Variants in AEBP1 observed in about 807,000 individuals in gnomAD.
The protein encoded by AEBP1 is adipocyte enhancer-binding protein 1.
AEBP1 carries 69 observed loss-of-function variants against 116.5 expected under a neutral mutation model. That is an observed-to-expected ratio of 0.59 (90% CI 0.49 to 0.72). The LOEUF (loss-of-function observed/expected upper bound fraction) is 0.72, where lower values mean the gene tolerates loss of function less well. Among genes scored for constraint, AEBP1 ranks in the 30% least tolerant of loss-of-function variants. The pLI, the probability that AEBP1 is intolerant of heterozygous loss-of-function variation, is 0.00. For synonymous variants in AEBP1, 627 were observed against 627.3 expected (o/e 1.00, Z 0.01); for missense variants, 1,444 against 1,557.5 (o/e 0.93, Z 1.23).
At chr7:44,104,954 T>A (rs2096221487) in intron 1 of AEBP1, 36 bp downstream of exon 1, 12 of 1,462,572 alleles carry the variant, frequency 8.2e-6, no homozygotes, top group Non-Finnish European at 1.1e-5. Context: ...TGTGGGGGGC[T>A]GGCATCTCAG....
rs751767894 is a variant in AEBP1, at chr7:44,113,060, T to C, written c.2639T>C (p.Phe880Ser). ...ELSFYLGCDKFPHESELPREW... is the reference protein window; with the variant it reads ...ELSFYLGCDKSPHESELPREW... ...TCCTTCTACCTGGGCTGTGACAAGT[T>C]CCCTCATGAGAGTGAGCTGCCCCGC... is the stretch of plus-strand genomic sequence containing the variant. Residue 880 changes from phenylalanine (F) to serine (S), a missense_variant, in exon 19 of 21, where the codon TTC becomes TCC. Transcript: ENST00000223357. The surrounding 1 kb of genome is among the most constrained non-coding windows in gnomAD (Gnocchi z 5.3). The C allele has an allele frequency of 1.2e-6, 2 of 1,614,068 alleles. No individual in the cohort carries two copies. Among genetic ancestry groups the C allele is most frequent in the South Asian group, 2.2e-5 (2 of 91,084 alleles).
chr7:44,109,468 C>A (rs2096226563), intron 9 of AEBP1, 127 bp downstream of exon 9: 6 of 1,183,162 alleles, frequency 5.1e-6, no homozygotes, highest in Non-Finnish European at 6.9e-6. Context: ...ATTCTTGGGA[C>A]CCAGAAGGGA....
Position 44,112,704 on chromosome 7 carries a change from C to T in AEBP1, c.2364C>T (p.Ala788=), listed in dbSNP as rs1482014364. 1 of 1,613,178 alleles carries T rather than the reference C, an allele frequency of 6.2e-7. No homozygotes were observed. Among genetic ancestry groups the T allele is most frequent in the East Asian group, 2.2e-5 (1 of 44,898 alleles). ...CCCAGGAGCAGCTGCTGGCCGCAGC[C>T]ATGGCAGCAGCCCGGGGGGAGGATG... is the stretch of plus-strand genomic sequence containing the variant. The part of the protein sequence containing the change: ...TPTQEQLLAA[A]MAAARGEDED... The change falls in exon 18 of 21, where the codon GCC becomes GCT. Residue 788 remains alanine, a synonymous_variant. Coordinates refer to ENST00000223357, the MANE Select transcript of AEBP1 (RefSeq NM_001129.5). The surrounding 1 kb of genome is among the most constrained non-coding windows in gnomAD (Gnocchi z 6.6).
At position 44,107,682 on chromosome 7, in the gene AEBP1, A is replaced by G. The variant is rs746524312; in HGVS notation, c.721A>G (p.Arg241Gly). Residue 241 changes from arginine to glycine, a missense_variant, in exon 4 of 21, where the codon AGG becomes GGG. Arg to Gly is a moderately radical substitution (Grantham distance 125). Transcript: ENST00000223357. This position sits in a 1 kb window ranked among gnomAD's most constrained non-coding sequence, Gnocchi z 4.3. ...ACTGGACTACAATGACCAGATCGAG[A>G]GGGAGGACTATGAGGACTGTGAGTA... The part of the protein sequence containing the change: ...PTLDYNDQIE[R>G]EDYEDFEYIR... The G allele has an allele frequency of 1.9e-6, 3 of 1,613,640 alleles. No homozygotes were observed. Among genetic ancestry groups the G allele is most frequent in the South Asian group, 2.2e-5 (2 of 91,078 alleles).
Position 44,108,199 on chromosome 7 carries a change from G to A in AEBP1, c.940+115G>A, listed in dbSNP as rs1452236486. Reference sequence around the variant, plus strand: ...CCACCTTGCAACCCCACCTGTGCCCGTGGTTACCTCGCTGTCCCTGCTGTC... The same window carrying A: ...CCACCTTGCAACCCCACCTGTGCCCATGGTTACCTCGCTGTCCCTGCTGTC... On this transcript the variant is annotated intron_variant, in intron 6 of 20. Coordinates refer to ENST00000223357, the MANE Select transcript of AEBP1 (RefSeq NM_001129.5). The surrounding 1 kb of genome is among the most constrained non-coding windows in gnomAD (Gnocchi z 5.0). 1.1e-5 allele frequency: 11 copies of A among 1,036,284 alleles called. No individual in the cohort carries two copies. Among genetic ancestry groups the A allele is most frequent in the Admixed American group, 2.1e-5 (1 of 47,328 alleles). The allele number at this position is 1,036,284 out of a possible 1,614,324, so 64.2% of individuals were successfully genotyped here.
chr7:44,107,016 A>C lies in AEBP1; in HGVS notation c.595+129A>C. The C allele has an allele frequency of 9.7e-6, 7 of 718,690 alleles. No homozygotes were observed. Among genetic ancestry groups the C allele is most frequent in the African/African-American group, 1.8e-5 (1 of 56,068 alleles). 44.5% of individuals were successfully genotyped at this position (718,690 alleles called of 1,614,324 possible). A position where few individuals can be genotyped will look rare whatever the true frequency, so the allele number is the denominator to read the frequency against. On this transcript the variant is annotated intron_variant, in intron 2 of 20. Transcript: ENST00000223357. This position sits in a 1 kb window ranked among gnomAD's most constrained non-coding sequence, Gnocchi z 4.3. ...CAGCTCCCCACTGGATGGGAACCTC[A>C]CTTTTGCTATAAATTTCACAATTTG...
chr7:44,106,852 C>T lies in AEBP1; in HGVS notation c.560C>T (p.Pro187Leu), dbSNP rs200193837. ...ETLEWPLPPPPSPGPEELPQE... is the reference protein window; with the variant it reads ...ETLEWPLPPPLSPGPEELPQE... Reference sequence around the variant, plus strand: ...CTGGAGTGGCCACTGCCCCCACCCCCCAGCCCTGGCCCCGAGGAGCTACCC... The same window carrying T: ...CTGGAGTGGCCACTGCCCCCACCCCTCAGCCCTGGCCCCGAGGAGCTACCC... Residue 187 changes from proline to leucine, a missense_variant, in exon 2 of 21, where the codon CCC becomes CTC. Coordinates refer to ENST00000223357, the MANE Select transcript of AEBP1 (RefSeq NM_001129.5). 1.3e-6 allele frequency: 2 copies of T among 1,598,306 alleles called. No individual in the cohort carries two copies. The highest frequency in any genetic ancestry group is 2.7e-5 in the African/African-American group (2 of 74,162).
In AEBP1 at chr7:44,112,901, G is replaced by A. The variant is rs201478823; in HGVS notation, c.2561G>A (p.Arg854Gln). ...GTCAACGGGGCCAAGTGGAACCCCC[G>A]GACCGGGAGTGAGTCAGCCTGGGAG... ...GIVNGAKWNP[R>Q]TGTINDFSYL... The change falls in exon 18 of 21, where the codon CGG (arginine) becomes CAG (glutamine). Residue 854 changes from arginine (R) to glutamine (Q), a missense_variant. By Grantham distance (43) the Arg-to-Gln change is conservative. Coordinates refer to ENST00000223357, the MANE Select transcript of AEBP1 (RefSeq NM_001129.5). This position sits in a 1 kb window ranked among gnomAD's most constrained non-coding sequence, Gnocchi z 6.6. 1.2e-6 allele frequency: 2 copies of A among 1,611,054 alleles called. No individual in the cohort carries two copies. Among genetic ancestry groups the A allele is most frequent in the Admixed American group, 1.7e-5 (1 of 59,770 alleles).
rs2096231698 is a variant in AEBP1, at chr7:44,113,049, C to T, written c.2628C>T (p.Gly876=). The change falls in exon 19 of 21, where the codon GGC becomes GGT. Residue 876 remains glycine (G), a synonymous_variant. Transcript: ENST00000223357. This position sits in a 1 kb window ranked among gnomAD's most constrained non-coding sequence, Gnocchi z 5.3. ...TNCLELSFYL[G]CDKFPHESEL... ...GCCTGGAGCTCTCCTTCTACCTGGG[C>T]TGTGACAAGTTCCCTCATGAGAGTG... 1 of 1,614,146 alleles carries T rather than the reference C, an allele frequency of 6.2e-7. No individual in the cohort carries two copies. The highest frequency in any genetic ancestry group is 2.2e-5 in the East Asian group (1 of 44,864).
Position 44,112,253 on chromosome 7 carries a change from T to A in AEBP1, c.2149T>A (p.Trp717Arg). 2.5e-6 allele frequency: 4 copies of A among 1,604,798 alleles called. No individual in the cohort carries two copies. The highest frequency in any genetic ancestry group is 1.1e-5 in the South Asian group (1 of 90,694). ...SVLWGAEERKWVPYRVPNNNL... is the reference protein window; with the variant it reads ...SVLWGAEERKRVPYRVPNNNL... ...GCTCTGGGGAGCTGAGGAGAGGAAATGGGTCCCCTACCGGGTCCCCAACAA... is the reference window on the plus strand; with the variant it reads ...GCTCTGGGGAGCTGAGGAGAGGAAAAGGGTCCCCTACCGGGTCCCCAACAA... Residue 717 changes from tryptophan (W) to arginine (R), a missense_variant, in exon 17 of 21, where the codon TGG becomes AGG. Trp to Arg is a moderately radical substitution (Grantham distance 101). Transcript: ENST00000223357. The surrounding 1 kb of genome is among the most constrained non-coding windows in gnomAD (Gnocchi z 6.6).
In AEBP1 at chr7:44,108,065, G is replaced by A; in HGVS notation, c.921G>A (p.Val307=). The A allele has an allele frequency of 6.2e-7, 1 of 1,602,798 alleles. No individual in the cohort carries two copies. The highest frequency in any genetic ancestry group is 8.5e-7 in the Non-Finnish European group (1 of 1,175,826). Residue 307 remains valine (V), a synonymous_variant, in exon 6 of 21, where the codon GTG becomes GTA. Coordinates refer to ENST00000223357, the MANE Select transcript of AEBP1 (RefSeq NM_001129.5). The surrounding 1 kb of genome is among the most constrained non-coding windows in gnomAD (Gnocchi z 5.0). ...PLPPDYGDGY[V]IPNYDDMDYY... is the part of the protein sequence containing the mutation. ...CCCCTGACTATGGTGATGGTTACGT[G>A]ATCCCCAACTACGATGACAGTGAGT...
At chr7:44,109,426 G>A in intron 9 of AEBP1, 85 bp downstream of exon 9, 1 of 1,385,700 alleles carries the variant, frequency 7.2e-7, no homozygotes, top group Admixed American at 2.7e-5. Flanking sequence ...TCACAAACAG[G>A]ACCCAGGTCC....
intron 1 of AEBP1, 121 bp from the exon 2 acceptor site, chr7:44,106,425 G>T (rs2096222953): frequency 9.0e-7 from 1 of 1,114,252 alleles, no homozygotes; most frequent in Non-Finnish European, 1.3e-6. Flanking sequence ...CTCTCAGTTT[G>T]CTGATCCGCA....
chr7:44,110,771 C>T lies in AEBP1; in HGVS notation c.1447C>T (p.Gln483Ter). 2 of 1,530,834 alleles carry T rather than the reference C, an allele frequency of 1.3e-6. No homozygotes were observed. The highest frequency in any genetic ancestry group is 2.1e-5 in the Admixed American group (1 of 47,962). The allele number at this position is 1,530,834 out of a possible 1,614,324, so 94.8% of individuals were successfully genotyped here. ...CTTCGTGGGCTTCAGCAATGACAGCCAGACATGGGTGATGTACACCAACGG... is the reference window on the plus strand; with the variant it reads ...CTTCGTGGGCTTCAGCAATGACAGCTAGACATGGGTGATGTACACCAACGG... ...TFFVGFSNDSQTWVMYTNGYE... is the reference protein window; with the variant it reads ...TFFVGFSNDS The change falls in exon 12 of 21, where the codon CAG (glutamine) becomes TAG (stop). Residue 483 changes from glutamine (Q) to a stop codon, truncating the protein, a stop_gained. Coordinates refer to ENST00000223357, the MANE Select transcript of AEBP1 (RefSeq NM_001129.5). LOFTEE classifies it high-confidence loss of function.
Position 44,113,701 on chromosome 7 carries a change from A to G in AEBP1, c.2917A>G (p.Ile973Val). The G allele has an allele frequency of 6.2e-7, 1 of 1,614,022 alleles. No individual in the cohort carries two copies. The highest frequency in any genetic ancestry group is 8.5e-7 in the Non-Finnish European group (1 of 1,179,984). ...SAKTCNVDYD[I>V]GATQCNFILA... The stretch of plus-strand genomic sequence containing the variant: ...CAAGACCTGCAATGTTGACTATGAC[A>G]TCGGGGCCACTCAGTGCAACTTCAT... The change falls in exon 21 of 21, where the codon ATC (isoleucine) becomes GTC (valine). Residue 973 changes from isoleucine to valine, a missense_variant. By Grantham distance (29) the Ile-to-Val change is conservative (BLOSUM62 3). Coordinates refer to ENST00000223357, the MANE Select transcript of AEBP1 (RefSeq NM_001129.5). This position sits in a 1 kb window ranked among gnomAD's most constrained non-coding sequence, Gnocchi z 5.3.
In AEBP1 at chr7:44,110,287, C is replaced by T. The variant is rs1396894982; in HGVS notation, c.1341C>T (p.Asp447=). 3.7e-6 allele frequency: 6 copies of T among 1,613,588 alleles called. No homozygotes were observed. In the African/African-American group the frequency reaches 4.0e-5, roughly 11 times the overall value. ...CCAGGACCCAGTGGATAGAGGTGGA[C>T]ACCAGGAGGACTACCCGGTTCACAG... ...DDARTQWIEV[D]TRRTTRFTGV... The change falls in exon 11 of 21, where the codon GAC becomes GAT. Residue 447 remains aspartate (D), a synonymous_variant. Coordinates refer to ENST00000223357, the MANE Select transcript of AEBP1 (RefSeq NM_001129.5).
Position 44,107,754 on chromosome 7 carries a change from T to C in AEBP1, c.739+54T>C. On this transcript the variant is annotated intron_variant, in intron 4 of 20. Transcript: ENST00000223357. This position sits in a 1 kb window ranked among gnomAD's most constrained non-coding sequence, Gnocchi z 4.3. ...GGTCGGACCCCTGGCCTGGGGGATGTGCCAATGGGCCCATCCCAGCCTTGG... is the reference window on the plus strand; with the variant it reads ...GGTCGGACCCCTGGCCTGGGGGATGCGCCAATGGGCCCATCCCAGCCTTGG... 6.2e-7 allele frequency: 1 copy of C among 1,612,842 alleles called. No homozygotes were observed. Among genetic ancestry groups the C allele is most frequent in the Non-Finnish European group, 8.5e-7 (1 of 1,179,820 alleles).
In AEBP1 at chr7:44,106,552, C is replaced by G; in HGVS notation, c.260C>G (p.Pro87Arg). 6.3e-7 allele frequency: 1 copy of G among 1,595,248 alleles called. No homozygotes were observed. The highest frequency in any genetic ancestry group is 1.1e-5 in the South Asian group (1 of 88,548). Residue 87 changes from proline (P) to arginine (R), a missense_variant, in exon 2 of 21, where the codon CCG (proline) becomes CGG (arginine). Physicochemically the swap from Pro to Arg is moderately radical, Grantham distance 103 (BLOSUM62 -2). Coordinates refer to ENST00000223357, the MANE Select transcript of AEBP1 (RefSeq NM_001129.5). Reference sequence around the variant, plus strand: ...GAGTCTGCATCTTGGACAGTGCCTCCGGAAAAGACCAAAGACAAAGGGAAG... The same window carrying G: ...GAGTCTGCATCTTGGACAGTGCCTCGGGAAAAGACCAAAGACAAAGGGAAG... ...KRPGTAAEVP[P>R]EKTKDKGKKG...
At position 44,111,807 on chromosome 7, in the gene AEBP1, C is replaced by G; in HGVS notation, c.1841-47C>G. On this transcript the variant is annotated intron_variant, in intron 15 of 20. Coordinates refer to ENST00000223357, the MANE Select transcript of AEBP1 (RefSeq NM_001129.5). This position sits in a 1 kb window ranked among gnomAD's most constrained non-coding sequence, Gnocchi z 4.7. ...GGGTCTGGGTCCTTCCTCAGCTGCC[C>G]TGGGCCTCGGGAGACTGAGTGCTCA... The G allele has an allele frequency of 6.3e-7, 1 of 1,584,380 alleles. No individual in the cohort carries two copies. The highest frequency in any genetic ancestry group is 8.6e-7 in the Non-Finnish European group (1 of 1,164,288).
Sources: allele counts gnomAD v4.1 joint callset, GRCh38; gene constraint gnomAD v4.1.1; non-coding constraint Gnocchi (gnomAD v3.1); transcripts MANE v1.5; gene names NCBI Gene and HGNC (gene_info 2026-07-23, HGNC 2026-07-21).